Variants in GNB4 observed in about 807,000 individuals in gnomAD.
GNB4 encodes the protein G protein subunit beta 4, also known as guanine nucleotide-binding protein subunit beta-4.
Under a neutral mutation model 45.2 loss-of-function variants are expected in GNB4, and 28 were observed. The observed-to-expected ratio is 0.62, with a 90% CI of 0.46 to 0.85. GNB4 has a LOEUF of 0.85. Among genes scored for constraint, GNB4 ranks in the 40% least tolerant of loss-of-function variants. The probability of loss-of-function intolerance (pLI) is 0.00; values close to 1 mark genes in which losing one functional copy is unlikely to be tolerated. For missense variants in GNB4, 321 were observed against 425.4 expected (o/e 0.75, Z 2.16); for synonymous variants, 132 against 143.7 (o/e 0.92, Z 0.58).
the GNB4 span, among the ~76,000 whole-genome samples, chr3:179,490,666 G>A: frequency 2.6e-4 from 40 of 152,096 alleles, no homozygotes; most frequent in Admixed American, 4.6e-4. Flanking sequence ...AGTGTATCCC[G>A]GTTCTGAGGG....
the GNB4 span, among the ~76,000 whole-genome samples, chr3:179,525,802 G>A: frequency 6.6e-6 from 1 of 152,302 alleles, no homozygotes; most frequent in South Asian, 2.1e-4. Context: ...AGAAGAGAGT[G>A]AAAAGACCAC....
the GNB4 span, among the ~76,000 whole-genome samples, chr3:179,495,556 AAAAG>A: frequency 2.1e-5 from 3 of 143,762 alleles, no homozygotes; most frequent in Admixed American, 6.9e-5. Flanking sequence ...AAAAGAAAAG[AAAAG>A]AAAGAAAGAG....
At chr3:179,510,081 C>T in the GNB4 span, among the ~76,000 whole-genome samples, 4 of 151,946 alleles carry the variant, frequency 2.6e-5, no homozygotes, top group South Asian at 6.2e-4. Flanking sequence ...CCTCCTGCTT[C>T]GGCCTCCCAA....
At chr3:179,472,890 G>A in the GNB4 span, among the ~76,000 whole-genome samples, 27 of 152,286 alleles carry the variant, frequency 1.8e-4, no homozygotes, top group Middle Eastern at 3.4e-3. Flanking sequence ...TTGGCCGGGC[G>A]CGGTGGCTCA....
chr3:179,484,349 C>A, the GNB4 span, among the ~76,000 whole-genome samples: 1 of 152,214 alleles, frequency 6.6e-6, no homozygotes, highest in Non-Finnish European at 1.5e-5. Context: ...TGGACAAATG[C>A]AGTCAATTCT....
chr3:179,507,612 C>T, the GNB4 span, among the ~76,000 whole-genome samples: 8 of 152,186 alleles, frequency 5.3e-5, no homozygotes, highest in Non-Finnish European at 1.2e-4. Context: ...GCCTGGAGTG[C>T]TCTTCTCCCA....
chr3:179,515,737 T>C, the GNB4 span, among the ~76,000 whole-genome samples: 1 of 152,028 alleles, frequency 6.6e-6, no homozygotes, highest in African/African-American at 2.4e-5. Context: ...TAAAATAGTG[T>C]TGAAGTGTTG....
the GNB4 span, among the ~76,000 whole-genome samples, chr3:179,466,659 A>G: frequency 6.6e-6 from 1 of 152,214 alleles, no homozygotes; most frequent in East Asian, 1.9e-4. Context: ...AAGGTGACCA[A>G]AATTTTATTG....
At chr3:179,508,936 A>G in the GNB4 span, among the ~76,000 whole-genome samples, 13 of 138,464 alleles carry the variant, frequency 9.4e-5, no homozygotes, top group African/African-American at 3.2e-4. Flanking sequence ...GCATGTGTAT[A>G]TATATATATA....
At chr3:179,513,335 C>T in the GNB4 span, among the ~76,000 whole-genome samples, 3 of 151,626 alleles carry the variant, frequency 2.0e-5, no homozygotes, top group Non-Finnish European at 4.4e-5. Flanking sequence ...AGATGTGTGC[C>T]GCCACCTCGG....
chr3:179,500,539 T>G, the GNB4 span, among the ~76,000 whole-genome samples: 1 of 152,228 alleles, frequency 6.6e-6, no homozygotes, highest in African/African-American at 2.4e-5. Context: ...TTTGTTCTTT[T>G]TGCTTAGGAT....
chr3:179,407,612 A>C (rs1258292376), intron 8 of GNB4, among the ~76,000 whole-genome samples: 2 of 152,206 alleles, frequency 1.3e-5, no homozygotes, highest in East Asian at 3.9e-4. Flanking sequence ...AGGAGAAAGC[A>C]CTGGGAATCC....
At chr3:179,513,340 C>T in the GNB4 span, among the ~76,000 whole-genome samples, 3 of 151,752 alleles carry the variant, frequency 2.0e-5, no homozygotes, top group Admixed American at 2.0e-4. Context: ...TGTGCCGCCA[C>T]CTCGGTTAAT....
chr3:179,436,045 AC>A (rs1287824904), intron 1 of GNB4, among the ~76,000 whole-genome samples: 10 of 152,214 alleles, frequency 6.6e-5, no homozygotes, highest in African/African-American at 2.4e-4. Context: ...TAAGTTTCAT[AC>A]CAATCATGAA....
chr3:179,517,308 C>A, the GNB4 span, among the ~76,000 whole-genome samples: 1 of 152,108 alleles, frequency 6.6e-6, no homozygotes, highest in Non-Finnish European at 1.5e-5. Flanking sequence ...GAGAACAACC[C>A]CCCTTTGACT....
the GNB4 span, among the ~76,000 whole-genome samples, chr3:179,499,276 G>A: frequency 6.6e-6 from 1 of 150,468 alleles, no homozygotes; most frequent in Admixed American, 6.7e-5. Flanking sequence ...TCCTGCCTCA[G>A]CCTCCCGAGC....
chr3:179,524,323 C>G, the GNB4 span, among the ~76,000 whole-genome samples: 58,197 of 152,160 alleles, frequency 0.38, 12,565 homozygotes, highest in African/African-American at 0.59. Context: ...ACACAGATGG[C>G]ACATGGCTTG....
chr3:179,521,346 G>C, the GNB4 span, among the ~76,000 whole-genome samples: 1 of 152,136 alleles, frequency 6.6e-6, no homozygotes, highest in African/African-American at 2.4e-5. Context: ...AACTTAAAAA[G>C]GACTGGACAA....
At position 179,398,997 on chromosome 3, in the gene GNB4, G is replaced by C. The variant is rs1327635952; in HGVS notation, c.*2216C>G. The C allele has an allele frequency of 6.6e-6, 1 of 152,090 alleles. No homozygotes were observed. The highest frequency in any genetic ancestry group is 1.5e-5 in the Non-Finnish European group (1 of 68,030). 9.4% of individuals were successfully genotyped at this position (152,090 alleles called of 1,614,324 possible). On this transcript the variant is annotated 3_prime_UTR_variant, in exon 10 of 10. Coordinates refer to ENST00000232564, the MANE Select transcript of GNB4 (RefSeq NM_021629.4). ...CTGTGACTACTATAATAACTTTTAA[G>C]TAGAGGAGATACTCTCTTACATATT...
Sources: allele counts gnomAD v4.1 joint callset (sites outside exome capture counted in the v4.1 genomes callset), GRCh38; gene constraint gnomAD v4.1.1; transcripts MANE v1.5; gene names NCBI Gene and HGNC (gene_info 2026-07-23, HGNC 2026-07-21).